BOC: variants seen among roughly 807,000 people sequenced by gnomAD.
BOC encodes BOC cell adhesion associated, oncogene regulated, also known as brother of CDO.
Under a neutral mutation model 112.0 loss-of-function variants are expected in BOC, and 76 were observed. The ratio of observed to expected loss-of-function variants is 0.68; its 90% CI spans 0.56 to 0.82. BOC has a LOEUF of 0.82. Ranked by LOEUF, BOC falls within the 40% of genes least tolerant of loss-of-function variation. The pLI is 0.00. For synonymous variants in BOC, 580 were observed against 599.8 expected (o/e 0.97, Z 0.48); for missense variants, 1,309 against 1,511.7 (o/e 0.87, Z 2.22).
At chr3:113,281,192 C>A (rs781351556) in intron 15 of BOC, 39 bp downstream of exon 15, 4 of 1,607,858 alleles carry the variant, frequency 2.5e-6, no homozygotes, top group Non-Finnish European at 3.4e-6. Context: ...CTTGGTGTTT[C>A]CAGCGAGGGA....
At chr3:113,244,661 A>C (rs1222313130) in intron 2 of BOC, among the ~76,000 whole-genome samples, 1 of 152,248 alleles carries the variant, frequency 6.6e-6, no homozygotes, top group African/African-American at 2.4e-5. Context: ...TGCTTTAGAC[A>C]GCACAAATAT....
chr3:113,234,280 G>T (rs1476847419), intron 2 of BOC, among the ~76,000 whole-genome samples: 1 of 152,152 alleles, frequency 6.6e-6, no homozygotes, highest in Non-Finnish European at 1.5e-5. Context: ...ATCGAAAGGG[G>T]AATTCTTTTA....
At chr3:113,233,766 C>T (rs866699524) in intron 2 of BOC, among the ~76,000 whole-genome samples, 20 of 152,250 alleles carry the variant, frequency 1.3e-4, no homozygotes, top group Middle Eastern at 6.8e-3. Flanking sequence ...CTTCGTCAGG[C>T]GCCTACTTCT....
At chr3:113,268,518 T>C in intron 5 of BOC, 73 bp downstream of exon 5, 1 of 1,455,088 alleles carries the variant, frequency 6.9e-7, no homozygotes, top group Non-Finnish European at 9.4e-7. Flanking sequence ...CGCTCGCTGC[T>C]CAACAAAGCT....
chr3:113,268,177 C>G (rs1379530761), intron 4 of BOC, 122 bp from the exon 5 acceptor site: 11 of 1,429,950 alleles, frequency 7.7e-6, no homozygotes, highest in South Asian at 1.4e-5. Context: ...TCGGAGGATC[C>G]CCTGATATCC....
In BOC at chr3:113,278,796, C is replaced by T. The variant is rs1452203942; in HGVS notation, c.1816+13C>T. 1 of 1,551,708 alleles carries T rather than the reference C, an allele frequency of 6.4e-7. No individual in the cohort carries two copies. Among genetic ancestry groups the T allele is most frequent in the East Asian group, 2.4e-5 (1 of 41,040 alleles). ...GGCCGCCTCTCCCGTAAGCCGCTAG[C>T]AGCAGGGACGGACGCGCAGTCAGGA... is the stretch of plus-strand genomic sequence containing the variant. On this transcript the variant is annotated intron_variant, in intron 11 of 19. Coordinates refer to ENST00000682979, the MANE Select transcript of BOC (RefSeq NM_001378074.1). The surrounding 1 kb of genome is among the most constrained non-coding windows in gnomAD (Gnocchi z 4.2).
chr3:113,272,532 TG>T lies in BOC; in HGVS notation c.793del (p.Ala265ProfsTer17). On this transcript the variant is annotated frameshift_variant, in exon 7 of 20. Transcript: ENST00000682979. LOFTEE classifies it high-confidence loss of function. ...ASGIPPPRVTWAKDGSSVTGY... is the reference protein window; with the variant it reads ...ASGIPPPRVTXAKDGSSVTGY... ...TGGAATCCCACCCCCACGGGTCACCTGGGCCAAGGATGGGTCCAGTGTCACC... is the reference window on the plus strand; with the variant it reads ...TGGAATCCCACCCCCACGGGTCACCTGGCCAAGGATGGGTCCAGTGTCACC... 6.2e-7 allele frequency: 1 copy of T among 1,614,046 alleles called. No homozygotes were observed. Among genetic ancestry groups the T allele is most frequent in the Non-Finnish European group, 8.5e-7 (1 of 1,179,980 alleles).
chr3:113,219,923 T>G (rs1348281082), intron 2 of BOC, among the ~76,000 whole-genome samples: 1 of 152,208 alleles, frequency 6.6e-6, no homozygotes. Context: ...GGATGTTGTC[T>G]GAATTGGCTG....
intron 2 of BOC, among the ~76,000 whole-genome samples, chr3:113,219,716 C>T (rs1940210320): frequency 6.6e-6 from 1 of 152,192 alleles, no homozygotes; most frequent in African/African-American, 2.4e-5. Flanking sequence ...AAAACTGGGA[C>T]TACAGCTAGG....
chr3:113,235,944 A>G (rs573548188), intron 2 of BOC, among the ~76,000 whole-genome samples: 1 of 152,150 alleles, frequency 6.6e-6, no homozygotes, highest in South Asian at 2.1e-4. Flanking sequence ...AGAAAAGGGA[A>G]TGCTTATATA....
At chr3:113,230,996 A>G (rs190622921) in intron 2 of BOC, among the ~76,000 whole-genome samples, 188 of 152,326 alleles carry the variant, frequency 1.2e-3, no homozygotes, top group African/African-American at 4.1e-3. Context: ...ATGCAACAGA[A>G]TCCTGGAATT....
intron 8 of BOC, among the ~76,000 whole-genome samples, chr3:113,273,957 A>G (rs1295070799): frequency 6.6e-6 from 1 of 152,080 alleles, no homozygotes; most frequent in Admixed American, 6.5e-5. Context: ...TTCATATCTC[A>G]TATTCAGTAG....
rs775364880 is a variant in BOC, at chr3:113,274,472, G to A, written c.1332G>A (p.Gly444=). ...KLGNPEQMLR[G]QPALPRPPTS... is the part of the protein sequence containing the mutation. ...GCAACCCTGAGCAGATGCTGAGGGGGCAACCGGCGCTCCCCAGACCCCCAA... is the reference window on the plus strand; with the variant it reads ...GCAACCCTGAGCAGATGCTGAGGGGACAACCGGCGCTCCCCAGACCCCCAA... Residue 444 remains glycine (G), a synonymous_variant, in exon 9 of 20, where the codon GGG becomes GGA. Coordinates refer to ENST00000682979, the MANE Select transcript of BOC (RefSeq NM_001378074.1). This position sits in a 1 kb window ranked among gnomAD's most constrained non-coding sequence, Gnocchi z 4.8. 2 of 1,611,154 alleles carry A rather than the reference G, an allele frequency of 1.2e-6. No individual in the cohort carries two copies. The highest frequency in any genetic ancestry group is 1.3e-5 in the African/African-American group (1 of 74,878).
rs115157938 is a variant in BOC at position 113,214,059 on chromosome 3, G to A, written c.-170+2043G>A. ...TCGCTAGGGAGCAGTTGTCCCCCAC[G>A]CCATAGGCCACTGGCTTTACTTGGG... On this transcript the variant is annotated intron_variant, in intron 1 of 19. Coordinates refer to ENST00000682979, the MANE Select transcript of BOC (RefSeq NM_001378074.1). Among the ~76,000 whole-genome samples, 833 of 152,298 alleles carry A rather than the reference G, an allele frequency of 5.5e-3. 10 individuals carry two copies. The highest frequency in any genetic ancestry group is 0.018 in the African/African-American group (762 of 41,564).
intron 6 of BOC, 189 bp from the exon 7 acceptor site, chr3:113,272,221 A>C (rs556412454): frequency 3.2e-6 from 2 of 628,058 alleles, no homozygotes; most frequent in Non-Finnish European, 2.8e-6. Context: ...CTGCAGAAGC[A>C]GTCCTTGTTT....
chr3:113,229,137 G>T (rs548818612), intron 2 of BOC, among the ~76,000 whole-genome samples: 59 of 152,294 alleles, frequency 3.9e-4, no homozygotes, highest in Non-Finnish European at 7.8e-4. Context: ...TCCTCCCCCA[G>T]TAGGGACCAA....
At chr3:113,276,523 G>A (rs1948690363) in intron 9 of BOC, among the ~76,000 whole-genome samples, 1 of 152,208 alleles carries the variant, frequency 6.6e-6, no homozygotes, top group Non-Finnish European at 1.5e-5. Flanking sequence ...TGGCTTGAAA[G>A]CAGTTCCTCT....
rs193124758 is a variant in BOC, at chr3:113,250,064, A to T, written c.97+165A>T. Among the ~76,000 whole-genome samples, 76 of 152,338 alleles carry T rather than the reference A, an allele frequency of 5.0e-4. 1 individual carries two copies. The highest frequency in any genetic ancestry group is 3.1e-3 in the Admixed American group (48 of 15,312). The stretch of plus-strand genomic sequence containing the variant: ...CACAAGATGAGACATGATCACAACA[A>T]CATCATATTGGTTATAGTTTGGTAT... On this transcript the variant is annotated intron_variant, in intron 3 of 19. Transcript: ENST00000682979.
At chr3:113,248,284 G>T (rs779479060) in intron 2 of BOC, among the ~76,000 whole-genome samples, 4 of 152,182 alleles carry the variant, frequency 2.6e-5, no homozygotes, top group Non-Finnish European at 5.9e-5. Flanking sequence ...AGGCAAGTCG[G>T]GTGTCTCCTG....
Sources: gnomAD v4.1 joint callset for allele counts (sites outside exome capture counted in the v4.1 genomes callset) on GRCh38, gnomAD v4.1.1 for gene constraint, Gnocchi (gnomAD v3.1) non-coding constraint, MANE v1.5 for transcripts, NCBI Gene and HGNC (gene_info 2026-07-23, HGNC 2026-07-21) for gene names.